The following EFNB2 variants were observed in gnomAD, a reference collection of about 807,000 sequenced individuals.
EFNB2 encodes ephrin-B2.
Under a neutral mutation model 32.1 loss-of-function variants are expected in EFNB2, and 5 were observed. The observed-to-expected ratio is 0.16, with a 90% confidence interval of 0.08 to 0.33. The LOEUF (loss-of-function observed/expected upper bound fraction) is 0.33. EFNB2 is among the 10% of genes least tolerant of loss of function. EFNB2 has a pLI of 1.00. For missense variants in EFNB2, 263 were observed against 422.6 expected (o/e 0.62, Z 3.31); for synonymous variants, 168 against 166.5 (o/e 1.01, Z -0.07).
At chr13:106,500,826 G>A (rs1377042372) in intron 2 of EFNB2, among the ~76,000 whole-genome samples, 9 of 152,140 alleles carry the variant, frequency 5.9e-5, no homozygotes, top group South Asian at 2.1e-4. Context: ...TCGGAAGACT[G>A]TTATCTTGGC....
intron 2 of EFNB2, among the ~76,000 whole-genome samples, chr13:106,509,668 T>C (rs981888515): frequency 6.7e-5 from 10 of 149,372 alleles, no homozygotes; most frequent in Middle Eastern, 3.4e-3. Context: ...TGTGTGTGTG[T>C]GTGCATTTGT....
intron 2 of EFNB2, among the ~76,000 whole-genome samples, chr13:106,503,547 T>C (rs1220100014): frequency 6.6e-6 from 1 of 152,038 alleles, no homozygotes; most frequent in Non-Finnish European, 1.5e-5. Flanking sequence ...GGACTCGAGG[T>C]CCTAAGTTCT....
At position 106,491,520 on chromosome 13, in the gene EFNB2, T is replaced by C. The variant is rs890344615; in HGVS notation, c.*1520A>G. 2.0e-5 allele frequency: 3 copies of C among 152,630 alleles called. No individual in the cohort carries two copies. The highest frequency in any genetic ancestry group is 4.4e-5 in the Non-Finnish European group (3 of 68,040). The allele number at this position is 152,630 out of a possible 1,614,324, so 9.5% of individuals were successfully genotyped here. A position where few individuals can be genotyped will look rare whatever the true frequency, so the allele number is the denominator to read the frequency against. On this transcript the variant is annotated 3_prime_UTR_variant, in exon 5 of 5. Coordinates refer to ENST00000646441, the MANE Select transcript of EFNB2 (RefSeq NM_004093.4). Reference sequence around the variant, plus strand: ...CATTTTATATCCCTTGTGTTCTATATACCTATTATAAATACGTCCTATCTT... The same window carrying C: ...CATTTTATATCCCTTGTGTTCTATACACCTATTATAAATACGTCCTATCTT...
At chr13:106,498,567 CA>C (rs1878668632) in intron 2 of EFNB2, among the ~76,000 whole-genome samples, 2 of 152,174 alleles carry the variant, frequency 1.3e-5, no homozygotes. Flanking sequence ...TATAATTTAA[CA>C]TCCACAGACT....
chr13:106,500,925 C>A (rs2138906622), intron 2 of EFNB2, among the ~76,000 whole-genome samples: 1 of 152,210 alleles, frequency 6.6e-6, no homozygotes, highest in South Asian at 2.1e-4. Flanking sequence ...AACAACAAAC[C>A]AAACTGTATT....
intron 1 of EFNB2, among the ~76,000 whole-genome samples, chr13:106,528,272 T>C (rs1879764388): frequency 6.6e-6 from 1 of 152,154 alleles, no homozygotes; most frequent in African/African-American, 2.4e-5. Flanking sequence ...TACATAGTAA[T>C]GGCTACAGTA....
At chr13:106,531,282 G>A (rs1164556389) in intron 1 of EFNB2, among the ~76,000 whole-genome samples, 1 of 152,170 alleles carries the variant, frequency 6.6e-6, no homozygotes, top group Non-Finnish European at 1.5e-5. Flanking sequence ...CATGTTGTGA[G>A]GTATCGCTTT....
At chr13:106,515,079 G>T (rs531730729) in intron 1 of EFNB2, among the ~76,000 whole-genome samples, 2 of 152,094 alleles carry the variant, frequency 1.3e-5, no homozygotes, top group East Asian at 3.9e-4. Flanking sequence ...TTCACAGGAG[G>T]TTTCCTCCCA....
At chr13:106,508,800 G>T (rs1341356795) in intron 2 of EFNB2, among the ~76,000 whole-genome samples, 1 of 152,182 alleles carries the variant, frequency 6.6e-6, no homozygotes, top group African/African-American at 2.4e-5. Flanking sequence ...TGAGAAGAAT[G>T]AATGAGGATG....
In EFNB2 at chr13:106,535,043, G is replaced by C; in HGVS notation, c.-79C>G. On this transcript the variant is annotated 5_prime_UTR_variant, in exon 1 of 5. Coordinates refer to ENST00000646441, the MANE Select transcript of EFNB2 (RefSeq NM_004093.4). ...CGCAGGCTGGGACCCCCAATCCTCC[G>C]GGGCAGACTGGCGGGGAAGACGGCG... is the stretch of plus-strand genomic sequence containing the variant. 2 of 1,559,090 alleles carry C rather than the reference G, an allele frequency of 1.3e-6. No individual in the cohort carries two copies. Among genetic ancestry groups the C allele is most frequent in the Non-Finnish European group, 1.7e-6 (2 of 1,154,628 alleles).
Position 106,493,488 on chromosome 13 carries a change from C to T in EFNB2, c.614-60G>A. 1 of 1,539,656 alleles carries T rather than the reference C, an allele frequency of 6.5e-7. No individual in the cohort carries two copies. The highest frequency in any genetic ancestry group is 1.2e-5 in the South Asian group (1 of 80,954). ...TTACTGCTGTCCCAGTGCAGACGGA[C>T]TGCTTTTATGACCCTTAAAAATGTG... On this transcript the variant is annotated intron_variant, in intron 4 of 4. Transcript: ENST00000646441. This position sits in a 1 kb window ranked among gnomAD's most constrained non-coding sequence, Gnocchi z 6.1.
At chr13:106,530,231 C>G (rs1879827943) in intron 1 of EFNB2, among the ~76,000 whole-genome samples, 1 of 152,098 alleles carries the variant, frequency 6.6e-6, no homozygotes, top group Admixed American at 6.6e-5. Context: ...CTTTGCTGTT[C>G]TTATATTCCT....
rs148660831 is a variant in EFNB2, at chr13:106,512,664, T to C, written c.271A>G (p.Ile91Val). The stretch of plus-strand genomic sequence containing the variant: ...AGGAGAGGGGTATTTTCCTTCTTAA[T>C]AGTGCATCTGTCTGCTTGGTCTTTA... The part of the protein sequence containing the change: ...VDKDQADRCT[I>V]KKENTPLLNC... The change falls in exon 2 of 5, where the codon ATT becomes GTT. Residue 91 changes from isoleucine to valine, a missense_variant. Physicochemically the swap from Ile to Val is conservative, Grantham distance 29. Transcript: ENST00000646441. The C allele has an allele frequency of 4.3e-6, 7 of 1,613,848 alleles. No homozygotes were observed. The African/African-American group carries it at 6.7e-5, about 15-fold the overall frequency.
intron 1 of EFNB2, among the ~76,000 whole-genome samples, chr13:106,526,935 A>ATGGCG (rs1879719766): frequency 6.6e-6 from 1 of 152,170 alleles, no homozygotes; most frequent in African/African-American, 2.4e-5. Context: ...CCCCGCAGGG[A>ATGGCG]ATGTGGATTG....
At chr13:106,531,086 GCGT>G (rs1879854759) in intron 1 of EFNB2, among the ~76,000 whole-genome samples, 1 of 152,194 alleles carries the variant, frequency 6.6e-6, no homozygotes, top group African/African-American at 2.4e-5. Flanking sequence ...GCATGTCTTT[GCGT>G]CGGCAGAACC....
chr13:106,496,233 C>T (rs1309356607), intron 2 of EFNB2, among the ~76,000 whole-genome samples: 1 of 152,142 alleles, frequency 6.6e-6, no homozygotes, highest in Non-Finnish European at 1.5e-5. Context: ...GTAATCATCC[C>T]CCCACACCTG....
chr13:106,521,664 A>C (rs1303462255), intron 1 of EFNB2: 2 of 152,294 alleles, frequency 1.3e-5, no homozygotes, highest in Middle Eastern at 3.4e-3. Context: ...TTTGATGTTA[A>C]TCTTGTTTTT....
chr13:106,532,056 T>TAAAAA (rs992403515), intron 1 of EFNB2, among the ~76,000 whole-genome samples: 5 of 92,600 alleles, frequency 5.4e-5, no homozygotes, highest in African/African-American at 2.2e-4. Context: ...TCTGCTGAAT[T>TAAAAA]AAAAAAAAAA....
chr13:106,507,316 G>A (rs1214675980), intron 2 of EFNB2, among the ~76,000 whole-genome samples: 7 of 152,148 alleles, frequency 4.6e-5, no homozygotes, highest in African/African-American at 1.7e-4. Flanking sequence ...AAATCTATAT[G>A]TTAAGAGGAC....
Sources: gnomAD v4.1 joint callset for allele counts (sites outside exome capture counted in the v4.1 genomes callset) on GRCh38, gnomAD v4.1.1 for gene constraint, Gnocchi (gnomAD v3.1) non-coding constraint, MANE v1.5 for transcripts, NCBI Gene and HGNC (gene_info 2026-07-23, HGNC 2026-07-21) for gene names.